CPLX4: variants seen among roughly 807,000 people sequenced by gnomAD.
The protein encoded by CPLX4 is complexin-4.
CPLX4 carries 17 observed loss-of-function variants against 16.1 expected under a neutral mutation model. The ratio of observed to expected loss-of-function variants is 1.06; its 90% confidence interval spans 0.72 to 1.59. The LOEUF (loss-of-function observed/expected upper bound fraction) is 1.59. CPLX4 is among the 40% of genes most tolerant of loss of function. The pLI is 0.00. For synonymous variants in CPLX4, 55 were observed against 57.8 expected, an observed-to-expected ratio of 0.95 and a Z score of 0.22; for missense variants, 193 against 192.9, an observed-to-expected ratio of 1.00 and a Z score of 0.00.
Position 59,318,294 on chromosome 18 carries a change from A to G in CPLX4, c.167+2T>C, listed in dbSNP as rs2070664102. On this transcript the variant is annotated splice_donor_variant, in intron 1 of 2. Coordinates refer to ENST00000299721, the MANE Select transcript of CPLX4 (RefSeq NM_181654.4). LOFTEE classifies it high-confidence loss of function. The stretch of plus-strand genomic sequence containing the variant: ...AAGGGAAATGAAATAGCATGTACTC[A>G]CTTCTCCTCAATCATTTGCTTTTGA... 2 of 1,604,390 alleles carry G rather than the reference A, an allele frequency of 1.2e-6. No homozygotes were observed. Among genetic ancestry groups the G allele is most frequent in the East Asian group, 4.5e-5 (2 of 44,788 alleles).
intron 2 of CPLX4, among the ~76,000 whole-genome samples, chr18:59,301,235 A>AG (rs2070539120): frequency 6.6e-6 from 1 of 152,224 alleles, no homozygotes; most frequent in Non-Finnish European, 1.5e-5. Flanking sequence ...AGTCTACAAG[A>AG]GGGGTGTGGG....
At chr18:59,308,221 G>A (rs1346512331) in intron 2 of CPLX4, among the ~76,000 whole-genome samples, 1 of 152,146 alleles carries the variant, frequency 6.6e-6, no homozygotes, top group Non-Finnish European at 1.5e-5. Context: ...AGAATAAAAA[G>A]CATGGCACTG....
chr18:59,297,849 G>T (rs2070512262), intron 2 of CPLX4, among the ~76,000 whole-genome samples: 1 of 152,128 alleles, frequency 6.6e-6, no homozygotes, highest in African/African-American at 2.4e-5. Flanking sequence ...ACTAGACAGG[G>T]AGCCCGTCAT....
intron 1 of CPLX4, among the ~76,000 whole-genome samples, chr18:59,316,223 C>T (rs917571288): frequency 6.6e-6 from 1 of 151,928 alleles, no homozygotes; most frequent in South Asian, 2.1e-4. Context: ...ATGTTTAGAC[C>T]TCTTTCAGTA....
chr18:59,310,221 C>G (rs563564672), intron 2 of CPLX4, among the ~76,000 whole-genome samples: 1 of 139,714 alleles, frequency 7.2e-6, no homozygotes, highest in Non-Finnish European at 1.6e-5. Flanking sequence ...TCCTTCATGT[C>G]GGTCCCTCCC....
chr18:59,318,240 A>G (rs1294891401), intron 1 of CPLX4, 56 bp downstream of exon 1: 4 of 1,395,332 alleles, frequency 2.9e-6, no homozygotes, highest in East Asian at 4.7e-5. Flanking sequence ...TGAAGAAGGT[A>G]TGGCCAGAAT....
At chr18:59,297,531 C>T (rs143697663) in intron 2 of CPLX4, among the ~76,000 whole-genome samples, 72 of 152,264 alleles carry the variant, frequency 4.7e-4, no homozygotes, top group African/African-American at 1.5e-3. Context: ...CCAACCACCC[C>T]GGCCTCCCAA....
chr18:59,303,850 G>A (rs1003660841), intron 2 of CPLX4, among the ~76,000 whole-genome samples: 1 of 152,176 alleles, frequency 6.6e-6, no homozygotes, highest in African/African-American at 2.4e-5. Context: ...AAACCGAACT[G>A]GGGCAGGGTG....
At chr18:59,303,501 T>C (rs1322159457) in intron 2 of CPLX4, among the ~76,000 whole-genome samples, 1 of 152,146 alleles carries the variant, frequency 6.6e-6, no homozygotes, top group Non-Finnish European at 1.5e-5. Context: ...TTCTGCTTTT[T>C]AGGGGATGAG....
intron 2 of CPLX4, among the ~76,000 whole-genome samples, chr18:59,297,278 A>AT (rs142082605): frequency 0.013 from 1,812 of 144,084 alleles, 10 homozygotes; most frequent in Non-Finnish European, 0.016. Flanking sequence ...GCCATCTGGA[A>AT]TTTTTTTTTT....
chr18:59,316,334 A>G (rs73960768), intron 1 of CPLX4, among the ~76,000 whole-genome samples: 2,762 of 152,318 alleles, frequency 0.018, 93 homozygotes, highest in African/African-American at 0.063. Flanking sequence ...GCATTGCTAA[A>G]TAGTTTTTTA....
chr18:59,314,553 AC>A (rs1429282914), intron 1 of CPLX4, among the ~76,000 whole-genome samples: 1 of 152,178 alleles, frequency 6.6e-6, no homozygotes, highest in Non-Finnish European at 1.5e-5. Flanking sequence ...TCTGAAGCAC[AC>A]CATTCAATGA....
At position 59,300,143 on chromosome 18, in the gene CPLX4, C is replaced by A. The variant is rs190273358; in HGVS notation, c.256-3218G>T. Among the ~76,000 whole-genome samples the A allele has an allele frequency of 2.7e-3, 409 of 152,216 alleles. 5 individuals carry two copies. The highest frequency in any genetic ancestry group is 9.4e-3 in the African/African-American group (390 of 41,540). On this transcript the variant is annotated intron_variant, in intron 2 of 2. Transcript: ENST00000299721. Reference sequence around the variant, plus strand: ...GGTCAGGGGTTCAAGACCAGCATGGCCAATTTGGTGAAACCCCGTCTCTAC... The same window carrying A: ...GGTCAGGGGTTCAAGACCAGCATGGACAATTTGGTGAAACCCCGTCTCTAC...
chr18:59,315,965 C>A (rs954279874), intron 1 of CPLX4, among the ~76,000 whole-genome samples: 4 of 152,144 alleles, frequency 2.6e-5, no homozygotes, highest in Non-Finnish European at 5.9e-5. Flanking sequence ...TAGTCTCCCC[C>A]CACCAAGTAA....
Position 59,318,359 on chromosome 18 carries a change from GC to G in CPLX4, c.103del (p.Ala35GlnfsTer6). ...NKEEGGASDP[A>X]AAQGMTREEY... ...CTCTCTAGTCATCCCTTGAGCTGCT[GC>G]AGGATCAGATGCACCTCCTTCTTCT... On this transcript the variant is annotated frameshift_variant, in exon 1 of 3. Coordinates refer to ENST00000299721, the MANE Select transcript of CPLX4 (RefSeq NM_181654.4). LOFTEE classifies it high-confidence loss of function. 1.9e-6 allele frequency: 3 copies of G among 1,613,852 alleles called. No individual in the cohort carries two copies. Among genetic ancestry groups the G allele is most frequent in the Non-Finnish European group, 2.5e-6 (3 of 1,179,874 alleles).
chr18:59,314,035 T>C (rs1248057458), intron 1 of CPLX4, among the ~76,000 whole-genome samples: 1 of 152,160 alleles, frequency 6.6e-6, no homozygotes, highest in Non-Finnish European at 1.5e-5. Flanking sequence ...AAACTGAGTG[T>C]TAAGGAAGGA....
intron 2 of CPLX4, among the ~76,000 whole-genome samples, chr18:59,304,757 A>G (rs2070564341): frequency 1.3e-5 from 2 of 152,086 alleles, no homozygotes; most frequent in Admixed American, 1.3e-4. Flanking sequence ...TTTTTAGTAG[A>G]GACGGGGTTT....
At chr18:59,314,569 C>G (rs1302281170) in intron 1 of CPLX4, among the ~76,000 whole-genome samples, 2 of 152,058 alleles carry the variant, frequency 1.3e-5, no homozygotes, top group Non-Finnish European at 2.9e-5. Flanking sequence ...CAATGATTCC[C>G]CAAAAAGCAC....
intron 1 of CPLX4, among the ~76,000 whole-genome samples, chr18:59,315,710 G>T (rs1418546759): frequency 6.6e-6 from 1 of 152,030 alleles, no homozygotes; most frequent in East Asian, 1.9e-4. Flanking sequence ...ATTAATTTTT[G>T]TGTATAGTGT....
Sources: gnomAD v4.1 joint callset for allele counts (sites outside exome capture counted in the v4.1 genomes callset) on GRCh38, gnomAD v4.1.1 for gene constraint, MANE v1.5 for transcripts, NCBI Gene and HGNC (gene_info 2026-07-23, HGNC 2026-07-21) for gene names.